VIT: variants seen among roughly 807,000 people sequenced by gnomAD.
VIT encodes the protein vitrin.
Under a neutral mutation model 78.0 loss-of-function variants are expected in VIT, and 99 were observed. The ratio of observed to expected loss-of-function variants is 1.27; its 90% CI spans 1.08 to 1.50. The LOEUF is 1.50. Among genes scored for constraint, VIT ranks in the 40% most tolerant of loss-of-function variants. The pLI, the probability that VIT is intolerant of heterozygous loss-of-function variation, is 0.00. For synonymous variants in VIT, 374 were observed against 334.3 expected (o/e 1.12, Z -1.29); for missense variants, 1,126 against 875.3 (o/e 1.29, Z -3.61).
intron 7 of VIT, among the ~76,000 whole-genome samples, chr2:36,771,821 G>C (rs1271093006): frequency 6.6e-6 from 1 of 152,184 alleles, no homozygotes; most frequent in African/African-American, 2.4e-5. Flanking sequence ...TATACAGGTA[G>C]TAAAATGTTG....
intron 10 of VIT, among the ~76,000 whole-genome samples, chr2:36,782,399 T>C (rs1572530966): frequency 6.6e-6 from 1 of 152,206 alleles, no homozygotes; most frequent in East Asian, 1.9e-4. Flanking sequence ...TGGGATGAGC[T>C]AGCTGACCTT....
At chr2:36,811,906 C>T (rs542172911) in intron 15 of VIT, among the ~76,000 whole-genome samples, 1 of 152,246 alleles carries the variant, frequency 6.6e-6, no homozygotes, top group South Asian at 2.1e-4. Context: ...GAACTCCTAA[C>T]CTCAGGTGAT....
At chr2:36,774,500 A>G in intron 8 of VIT, 1 of 985,390 alleles carries the variant, frequency 1.0e-6, no homozygotes, top group Non-Finnish European at 1.2e-6. Flanking sequence ...ATTCCCTCTG[A>G]AGCCACAGGA....
chr2:36,727,473 T>A (rs900983192), intron 2 of VIT, among the ~76,000 whole-genome samples: 6 of 152,316 alleles, frequency 3.9e-5, no homozygotes, highest in African/African-American at 1.4e-4. Context: ...CATTAATTCA[T>A]GGGATGAGAC....
chr2:36,740,064 C>G (rs1042861103), intron 3 of VIT, among the ~76,000 whole-genome samples: 2 of 152,236 alleles, frequency 1.3e-5, no homozygotes, highest in African/African-American at 4.8e-5. Context: ...AGACCTACAA[C>G]TGATACTTCT....
intron 2 of VIT, among the ~76,000 whole-genome samples, chr2:36,726,062 C>G (rs1314673580): frequency 1.4e-5 from 2 of 142,294 alleles, no homozygotes; most frequent in Non-Finnish European, 3.0e-5. Context: ...GAGCGAGACT[C>G]TGTCTCAAAA....
chr2:36,704,699 G>A (rs572615713), intron 1 of VIT, among the ~76,000 whole-genome samples: 4 of 152,198 alleles, frequency 2.6e-5, no homozygotes, highest in East Asian at 1.9e-4. Flanking sequence ...CACACCCTCC[G>A]TTTTACCCAG....
At chr2:36,810,067 G>A (rs763183690) in intron 15 of VIT, among the ~76,000 whole-genome samples, 3 of 151,374 alleles carry the variant, frequency 2.0e-5, no homozygotes, top group Non-Finnish European at 2.9e-5. Context: ...TGAGGCGGGC[G>A]GATCACCCGA....
intron 12 of VIT, among the ~76,000 whole-genome samples, chr2:36,789,192 C>G (rs1352808490): frequency 6.6e-6 from 1 of 152,170 alleles, no homozygotes; most frequent in African/African-American, 2.4e-5. Context: ...CAATGCACCG[C>G]TGACAGGTGA....
intron 1 of VIT, among the ~76,000 whole-genome samples, chr2:36,705,921 C>T (rs1665389433): frequency 2.0e-5 from 3 of 152,190 alleles, no homozygotes; most frequent in African/African-American, 7.2e-5. Flanking sequence ...CTGGCCTCCA[C>T]CCACTAGGTG....
intron 3 of VIT, among the ~76,000 whole-genome samples, chr2:36,740,044 C>T (rs550976041): frequency 1.8e-4 from 28 of 152,304 alleles, no homozygotes; most frequent in African/African-American, 5.5e-4. Flanking sequence ...AATGTCTTCC[C>T]GCTCCCTTTA....
intron 1 of VIT, among the ~76,000 whole-genome samples, chr2:36,711,149 C>G (rs185571708): frequency 1.8e-4 from 28 of 152,282 alleles, no homozygotes; most frequent in African/African-American, 6.5e-4. Flanking sequence ...TCCCAATGGA[C>G]TTGCTCTAAT....
In VIT at chr2:36,783,416, C is replaced by T. The variant is rs1367297835; in HGVS notation, c.910+14C>T. ...TGGGAGATCCAAGTAAGTTAATTGACAACTAGAAACCCACGGTGTCTTTGA... is the reference window on the plus strand; with the variant it reads ...TGGGAGATCCAAGTAAGTTAATTGATAACTAGAAACCCACGGTGTCTTTGA... On this transcript the variant is annotated intron_variant, in intron 11 of 15. Coordinates refer to ENST00000379242, the MANE Select transcript of VIT (RefSeq NM_053276.4). 3.7e-6 allele frequency: 6 copies of T among 1,613,662 alleles called. No individual in the cohort carries two copies. Among genetic ancestry groups the T allele is most frequent in the Non-Finnish European group, 5.1e-6 (6 of 1,179,762 alleles).
chr2:36,786,258 A>G (rs1440814657), intron 11 of VIT, among the ~76,000 whole-genome samples: 1 of 152,036 alleles, frequency 6.6e-6, no homozygotes, highest in Non-Finnish European at 1.5e-5. Context: ...ACTTTTTACT[A>G]ATCAAAGGGA....
At chr2:36,741,581 G>C (rs189771878) in intron 3 of VIT, among the ~76,000 whole-genome samples, 170 of 152,230 alleles carry the variant, frequency 1.1e-3, no homozygotes, top group Non-Finnish European at 5.1e-4. Flanking sequence ...GGTTAAAAAA[G>C]AATATGCTTT....
chr2:36,725,315 A>G (rs1295082083), intron 2 of VIT, among the ~76,000 whole-genome samples: 2 of 152,144 alleles, frequency 1.3e-5, no homozygotes, highest in East Asian at 3.9e-4. Context: ...GGCTTAGAAA[A>G]ACAGAAGTTT....
intron 14 of VIT, among the ~76,000 whole-genome samples, chr2:36,806,274 T>A (rs1482137192): frequency 1.3e-5 from 2 of 152,214 alleles, no homozygotes; most frequent in East Asian, 3.8e-4. Context: ...AAAGCAAGCC[T>A]TGGACAGGTT....
At chr2:36,708,110 T>TCCCCCCCCCCC (rs141908586) in intron 1 of VIT, among the ~76,000 whole-genome samples, 24 of 137,772 alleles carry the variant, frequency 1.7e-4, no homozygotes, top group Non-Finnish European at 2.5e-4. Context: ...GTAAAGGACC[T>TCCCCCCCCCCC]CCCCCCCCCG....
intron 3 of VIT, among the ~76,000 whole-genome samples, chr2:36,736,689 A>G (rs781461164): frequency 6.6e-5 from 10 of 152,182 alleles, no homozygotes; most frequent in Non-Finnish European, 1.5e-4. Flanking sequence ...ATGAAACAAA[A>G]GTATGTAAAG....
Sources: gnomAD v4.1 joint callset for allele counts (sites outside exome capture counted in the v4.1 genomes callset) on GRCh38, gnomAD v4.1.1 for gene constraint, MANE v1.5 for transcripts, NCBI Gene and HGNC (gene_info 2026-07-23, HGNC 2026-07-21) for gene names.